PNPT1: variants seen among roughly 807,000 people sequenced by gnomAD.
The protein encoded by PNPT1 is polyribonucleotide nucleotidyltransferase 1, mitochondrial.
PNPT1 carries 53 observed loss-of-function variants against 119.5 expected under a neutral mutation model. That is an observed-to-expected ratio of 0.44 (90% CI 0.36 to 0.56). The LOEUF is 0.56. Ranked by LOEUF, PNPT1 falls within the 20% of genes least tolerant of loss-of-function variation. The pLI, the probability that PNPT1 is intolerant of heterozygous loss-of-function variation, is 0.00. For missense variants in PNPT1, 948 were observed against 938.5 expected, an observed-to-expected ratio of 1.01 and a Z score of -0.13; for synonymous variants, 357 against 322.1, an observed-to-expected ratio of 1.11 and a Z score of -1.16.
At position 55,645,353 on chromosome 2, in the gene PNPT1, A is replaced by C. The variant is rs1049082567; in HGVS notation, c.1818T>G (p.Val606=). 1.9e-6 allele frequency: 3 copies of C among 1,603,954 alleles called. No individual in the cohort carries two copies. Among genetic ancestry groups the C allele is most frequent in the Non-Finnish European group, 2.6e-6 (3 of 1,171,254 alleles). The part of the protein sequence containing the change: ...PRASRKENGP[V]VETVQVPLSK... ...ACTAAAATTTTAATGTATTACCTAC[A>C]ACAGGTCCATTTTCTTTTCTAGATG... The change falls in exon 22 of 28, where the codon GTT becomes GTG. Residue 606 remains valine (V), a synonymous_variant. Transcript: ENST00000447944.
intron 14 of PNPT1, among the ~76,000 whole-genome samples, chr2:55,661,369 CCAGGCG>C (rs1455829522): frequency 1.8e-4 from 28 of 152,052 alleles, no homozygotes; most frequent in African/African-American, 5.3e-4. Flanking sequence ...GGATTACAGG[CCAGGCG>C]TGAGCCACCA....
At chr2:55,668,978 A>C (rs182681476) in intron 11 of PNPT1, among the ~76,000 whole-genome samples, 1 of 152,340 alleles carries the variant, frequency 6.6e-6, no homozygotes, top group East Asian at 1.9e-4. Flanking sequence ...AAATTTTAAA[A>C]ATATATTAGA....
chr2:55,665,136 T>C (rs1441008351), intron 13 of PNPT1, among the ~76,000 whole-genome samples: 1 of 152,150 alleles, frequency 6.6e-6, no homozygotes, highest in African/African-American at 2.4e-5. Context: ...AAAAAGGATA[T>C]AGTTTAACAT....
intron 8 of PNPT1, among the ~76,000 whole-genome samples, chr2:55,675,133 G>A (rs1293728419): frequency 1.3e-5 from 2 of 151,894 alleles, no homozygotes; most frequent in Non-Finnish European, 2.9e-5. Flanking sequence ...ACTCAGCTGC[G>A]GTGGTGTGCC....
At chr2:55,689,194 G>C (rs1220274932) in intron 1 of PNPT1, among the ~76,000 whole-genome samples, 2 of 152,060 alleles carry the variant, frequency 1.3e-5, no homozygotes, top group African/African-American at 4.8e-5. Flanking sequence ...ATCTGATAAG[G>C]GACTTGTGTT....
At chr2:55,677,896 G>A (rs532263290) in intron 8 of PNPT1, among the ~76,000 whole-genome samples, 3 of 151,862 alleles carry the variant, frequency 2.0e-5, no homozygotes, top group Non-Finnish European at 2.9e-5. Context: ...CCGCCAACAC[G>A]CCCGGCTAAT....
At chr2:55,691,878 A>ATATATATATATTTTTT (rs1326804958) in intron 1 of PNPT1, among the ~76,000 whole-genome samples, 3 of 33,122 alleles carry the variant, frequency 9.1e-5, no homozygotes, top group Non-Finnish European at 1.8e-4. Context: ...ATATATATAT[A>ATATATATATATTTTTT]TTTTTTTTTT....
intron 19 of PNPT1, among the ~76,000 whole-genome samples, chr2:55,647,024 A>T (rs934479854): frequency 6.6e-6 from 1 of 152,014 alleles, no homozygotes; most frequent in Non-Finnish European, 1.5e-5. Context: ...TTTAGTAGAG[A>T]TGGAGTTTTG....
intron 1 of PNPT1, among the ~76,000 whole-genome samples, chr2:55,689,123 CTT>C (rs1306859117): frequency 1.3e-5 from 2 of 152,008 alleles, no homozygotes; most frequent in South Asian, 4.1e-4. Context: ...AAATTTAAAA[CTT>C]TAATTAAGAA....
intron 2 of PNPT1, among the ~76,000 whole-genome samples, chr2:55,687,355 G>T (rs540390596): frequency 2.0e-5 from 3 of 151,956 alleles, no homozygotes; most frequent in Middle Eastern, 3.2e-3. Flanking sequence ...CAAAAGAATC[G>T]CTTGAACCCA....
chr2:55,669,257 C>T (rs1301382800), intron 11 of PNPT1, among the ~76,000 whole-genome samples: 1 of 152,040 alleles, frequency 6.6e-6, no homozygotes, highest in Non-Finnish European at 1.5e-5. Flanking sequence ...CAGCTGTGAC[C>T]TGAATAAAGA....
intron 15 of PNPT1, among the ~76,000 whole-genome samples, chr2:55,657,928 A>G (rs1024889570): frequency 3.5e-5 from 5 of 144,272 alleles, no homozygotes; most frequent in Non-Finnish European, 6.1e-5. Flanking sequence ...AGAAATGTAT[A>G]GATTTAAAAA....
At chr2:55,676,416 T>C (rs1029039152) in intron 8 of PNPT1, among the ~76,000 whole-genome samples, 4 of 152,178 alleles carry the variant, frequency 2.6e-5, no homozygotes, top group African/African-American at 9.7e-5. Context: ...TCCTGACCGA[T>C]ATCTTCTCAC....
At chr2:55,675,413 A>C (rs2104136732) in intron 8 of PNPT1, among the ~76,000 whole-genome samples, 1 of 152,324 alleles carries the variant, frequency 6.6e-6, no homozygotes, top group South Asian at 2.1e-4. Flanking sequence ...GAGATGCTAT[A>C]TCTAATAAAA....
intron 8 of PNPT1, among the ~76,000 whole-genome samples, chr2:55,678,280 A>T (rs1697146598): frequency 6.6e-6 from 1 of 152,220 alleles, no homozygotes; most frequent in Admixed American, 6.5e-5. Context: ...GACATCATCT[A>T]TTATTCATGG....
chr2:55,686,069 C>A (rs1697397459), intron 3 of PNPT1, among the ~76,000 whole-genome samples: 1 of 152,120 alleles, frequency 6.6e-6, no homozygotes, highest in Admixed American at 6.5e-5. Context: ...CAGAGTCATA[C>A]TGAAGGGAAA....
intron 5 of PNPT1, among the ~76,000 whole-genome samples, chr2:55,682,849 C>T (rs545323890): frequency 6.6e-6 from 1 of 152,118 alleles, no homozygotes; most frequent in East Asian, 1.9e-4. Flanking sequence ...TTTGAGGCTG[C>T]AGTGAGGCAT....
At position 55,693,667 on chromosome 2, in the gene PNPT1, TG is replaced by T. The variant is rs2104206523; in HGVS notation, c.156del (p.Asn53ThrfsTer4). The T allele has an allele frequency of 1.9e-6, 3 of 1,614,186 alleles. No homozygotes were observed. The highest frequency in any genetic ancestry group is 2.5e-6 in the Non-Finnish European group (3 of 1,180,020). ...TGAACGCACGTCACTCCTTACCTGT[TG>T]CCTAAGTCCACGGCCACAGCTCGAG... ...AGSRAVAVDL[G>X]NRKLEISSGK... On this transcript the variant is annotated frameshift_variant, in exon 1 of 28. Transcript: ENST00000447944. LOFTEE classifies it high-confidence loss of function.
chr2:55,686,317 T>C, intron 3 of PNPT1, 53 bp downstream of exon 3: 1 of 1,510,636 alleles, frequency 6.6e-7, no homozygotes, highest in Non-Finnish European at 9.1e-7. Flanking sequence ...TATTATACAT[T>C]CTACACTTTA....
Sources: allele counts gnomAD v4.1 joint callset (sites outside exome capture counted in the v4.1 genomes callset), GRCh38; gene constraint gnomAD v4.1.1; transcripts MANE v1.5; gene names NCBI Gene and HGNC (gene_info 2026-07-23, HGNC 2026-07-21).